Variants in CNTNAP2 observed in about 807,000 individuals in gnomAD.
CNTNAP2 encodes contactin-associated protein-like 2.
Under a neutral mutation model 155.2 loss-of-function variants are expected in CNTNAP2, and 98 were observed. That is an observed-to-expected ratio of 0.63 (90% CI 0.54 to 0.75). The LOEUF (loss-of-function observed/expected upper bound fraction) is 0.75. Among genes scored for constraint, CNTNAP2 ranks in the 30% least tolerant of loss-of-function variants. The pLI is 0.00. For synonymous variants in CNTNAP2, 651 were observed against 631.2 expected, an observed-to-expected ratio of 1.03 and a Z score of -0.47; for missense variants, 1,727 against 1,688.1, an observed-to-expected ratio of 1.02 and a Z score of -0.40.
intron 1 of CNTNAP2, among the ~76,000 whole-genome samples, chr7:146,718,191 G>T (rs1347020992): frequency 6.6e-6 from 1 of 152,102 alleles, no homozygotes; most frequent in Non-Finnish European, 1.5e-5. Context: ...GTTGTTGACT[G>T]ACCTAAATAT....
intron 1 of CNTNAP2, among the ~76,000 whole-genome samples, chr7:146,624,645 C>T (rs543076138): frequency 2.6e-4 from 40 of 151,876 alleles, no homozygotes; most frequent in Non-Finnish European, 4.6e-4. Context: ...CTTTATTTGT[C>T]TTGGAATACA....
At chr7:147,456,541 C>A (rs1797921101) in intron 10 of CNTNAP2, among the ~76,000 whole-genome samples, 1 of 151,762 alleles carries the variant, frequency 6.6e-6, no homozygotes, top group Admixed American at 6.6e-5. Context: ...AGAGGTGGGG[C>A]AAGTGTGATG....
intron 2 of CNTNAP2, among the ~76,000 whole-genome samples, chr7:146,786,602 G>C (rs887416764): frequency 3.9e-5 from 6 of 152,182 alleles, no homozygotes; most frequent in African/African-American, 1.4e-4. Context: ...TGCTTGACGC[G>C]AATATTGCTG....
chr7:146,932,699 G>A (rs1042785360), intron 3 of CNTNAP2, among the ~76,000 whole-genome samples: 1 of 152,162 alleles, frequency 6.6e-6, no homozygotes, highest in Non-Finnish European at 1.5e-5. Flanking sequence ...CATTGTCTCA[G>A]CCCAAAATCT....
At chr7:148,394,881 A>G (rs866794341) in intron 22 of CNTNAP2, among the ~76,000 whole-genome samples, 21 of 152,234 alleles carry the variant, frequency 1.4e-4, no homozygotes, top group Non-Finnish European at 2.5e-4. Flanking sequence ...AAACCACTTG[A>G]GCCCACTGCT....
At chr7:148,147,738 C>T in intron 17 of CNTNAP2, 29 bp downstream of exon 17, 1 of 1,603,182 alleles carries the variant, frequency 6.2e-7, no homozygotes, top group South Asian at 1.1e-5. Context: ...ACCATGGCTT[C>T]CCTCTGTTGA....
intron 21 of CNTNAP2, among the ~76,000 whole-genome samples, chr7:148,310,865 G>A (rs777998394): frequency 2.0e-5 from 3 of 152,120 alleles, no homozygotes; most frequent in Non-Finnish European, 2.9e-5. Context: ...AGAGGGGGAG[G>A]TTCGATTTAC....
At chr7:147,534,396 T>C (rs1221701418) in intron 11 of CNTNAP2, among the ~76,000 whole-genome samples, 1 of 152,174 alleles carries the variant, frequency 6.6e-6, no homozygotes, top group African/African-American at 2.4e-5. Flanking sequence ...TAGAATTATA[T>C]TTCTTAACAA....
intron 8 of CNTNAP2, among the ~76,000 whole-genome samples, chr7:147,280,625 A>C (rs1208856306): frequency 6.6e-6 from 1 of 151,934 alleles, no homozygotes; most frequent in East Asian, 1.9e-4. Context: ...CTAGCAAGAA[A>C]GACTAATGTA....
At chr7:147,883,717 A>C (rs1306940751) in intron 13 of CNTNAP2, among the ~76,000 whole-genome samples, 2 of 152,232 alleles carry the variant, frequency 1.3e-5, no homozygotes, top group African/African-American at 4.8e-5. Flanking sequence ...ACCAGAATTC[A>C]AAATGTGCGC....
chr7:146,635,551 G>A (rs935268785), intron 1 of CNTNAP2, among the ~76,000 whole-genome samples: 19 of 152,306 alleles, frequency 1.2e-4, no homozygotes, highest in Middle Eastern at 3.4e-3. Context: ...AAGCAAAGAA[G>A]AAAATTGTAT....
intron 11 of CNTNAP2, among the ~76,000 whole-genome samples, chr7:147,558,677 C>G (rs1015295515): frequency 1.3e-5 from 2 of 151,056 alleles, no homozygotes; most frequent in African/African-American, 4.9e-5. Flanking sequence ...AAAAAGAAAA[C>G]TTTTTTCCTT....
At chr7:146,664,049 T>G (rs1800142565) in intron 1 of CNTNAP2, among the ~76,000 whole-genome samples, 1 of 152,116 alleles carries the variant, frequency 6.6e-6, no homozygotes. Context: ...ATTACCAGTT[T>G]GCTAGGGTTT....
chr7:147,353,379 T>C (rs1393621177), intron 9 of CNTNAP2, among the ~76,000 whole-genome samples: 2 of 152,004 alleles, frequency 1.3e-5, no homozygotes, highest in Admixed American at 6.6e-5. Context: ...CTCTCACTTA[T>C]GAGTGAGAAC....
intron 3 of CNTNAP2, among the ~76,000 whole-genome samples, chr7:146,978,334 C>T (rs796288544): frequency 4.6e-5 from 7 of 152,256 alleles, no homozygotes; most frequent in African/African-American, 1.7e-4. Flanking sequence ...TTCAACCCAG[C>T]GCTGTGCCAG....
intron 1 of CNTNAP2, among the ~76,000 whole-genome samples, chr7:146,658,807 G>A (rs542639539): frequency 2.0e-5 from 3 of 152,320 alleles, no homozygotes; most frequent in East Asian, 1.9e-4. Flanking sequence ...TAGTTCTTAC[G>A]TCAGGGTACA....
chr7:146,151,686 ATATATATATATG>A (rs1198607041), intron 1 of CNTNAP2, among the ~76,000 whole-genome samples: 7,671 of 53,218 alleles, frequency 0.14, 363 homozygotes, highest in Non-Finnish European at 0.17. Context: ...ATATATGTAT[ATATATATATATG>A]TATATATATA....
chr7:147,745,045 T>TGA (rs148493090), intron 13 of CNTNAP2, among the ~76,000 whole-genome samples: 32,278 of 151,996 alleles, frequency 0.21, 3,617 homozygotes, highest in Middle Eastern at 0.39. Flanking sequence ...AAAACATTTC[T>TGA]GAGAGAAAAA....
chr7:147,892,103 T>C (rs1799706355), intron 13 of CNTNAP2, among the ~76,000 whole-genome samples: 1 of 151,390 alleles, frequency 6.6e-6, no homozygotes, highest in African/African-American at 2.4e-5. Flanking sequence ...CAAAAAAAAA[T>C]CCTAACAAAT....
Sources: gnomAD v4.1 joint callset for allele counts (sites outside exome capture counted in the v4.1 genomes callset) on GRCh38, gnomAD v4.1.1 for gene constraint, MANE v1.5 for transcripts, NCBI Gene and HGNC (gene_info 2026-07-23, HGNC 2026-07-21) for gene names.